The following ZC3H15 variants were observed in gnomAD, a reference collection of about 807,000 sequenced individuals.
ZC3H15 encodes zinc finger CCCH domain-containing protein 15.
ZC3H15 carries 15 observed loss-of-function variants against 51.2 expected under a neutral mutation model. That is an observed-to-expected ratio of 0.29 (90% confidence interval 0.20 to 0.45). ZC3H15 has a LOEUF of 0.45. ZC3H15 is among the 20% of genes least tolerant of loss of function. The pLI is 1.00. For synonymous variants in ZC3H15, 144 were observed against 162.8 expected (o/e 0.88, Z 0.88); for missense variants, 381 against 494.7 (o/e 0.77, Z 2.18).
chr2:186,497,060 C>T lies in ZC3H15; in HGVS notation c.177+1726C>T, dbSNP rs535614849. The T allele has an allele frequency of 7.7e-5, 28 of 361,794 alleles. No individual in the cohort carries two copies. In the East Asian group the frequency reaches 1.9e-3, roughly 25 times the overall value. The allele number at this position is 361,794 out of a possible 1,614,324, so 22.4% of individuals were successfully genotyped here. A position where few individuals can be genotyped will look rare whatever the true frequency, so the allele number is the denominator to read the frequency against. ...GCAACTCATTTGAAAAAAATGTAGC[C>T]CCTTTTTTTTTCAGGTTCTTTAGAC... On this transcript the variant is annotated intron_variant, in intron 2 of 9. Transcript: ENST00000337859.
At chr2:186,497,277 T>C in intron 2 of ZC3H15, 1 of 312,642 alleles carries the variant, frequency 3.2e-6, no homozygotes, top group Non-Finnish European at 6.1e-6. Flanking sequence ...TAAATTTCTC[T>C]TGCTCATGCT....
rs993563685 is a variant in ZC3H15, at chr2:186,495,349, T to A, written c.177+15T>A. The A allele has an allele frequency of 7.2e-7, 1 of 1,388,182 alleles. No individual in the cohort carries two copies. Among genetic ancestry groups the A allele is most frequent in the Non-Finnish European group, 9.6e-7 (1 of 1,042,384 alleles). 86.0% of individuals were successfully genotyped at this position (1,388,182 alleles called of 1,614,324 possible). A position where few individuals can be genotyped will look rare whatever the true frequency, so the allele number is the denominator to read the frequency against. ...ATCCACGTCAGGTAAGTAATTTAAA[T>A]GTCCATATCTTTTTATAAATGTAAT... On this transcript the variant is annotated intron_variant, in intron 2 of 9. Transcript: ENST00000337859.
At chr2:186,503,811 T>C (rs780483105) in intron 5 of ZC3H15, among the ~76,000 whole-genome samples, 5 of 152,240 alleles carry the variant, frequency 3.3e-5, no homozygotes, top group Middle Eastern at 3.2e-3. Context: ...TAGATTCCCC[T>C]TTAAGGGAAT....
At chr2:186,490,077 T>C (rs921415271) in intron 1 of ZC3H15, among the ~76,000 whole-genome samples, 1 of 152,080 alleles carries the variant, frequency 6.6e-6, no homozygotes, top group Non-Finnish European at 1.5e-5. Flanking sequence ...CATTTTTTAA[T>C]ATTGCCTCCA....
intron 4 of ZC3H15, 147 bp from the exon 5 acceptor site, chr2:186,502,349 G>A: frequency 1.7e-6 from 1 of 593,532 alleles, no homozygotes; most frequent in East Asian, 3.1e-5. Context: ...TCCATCCTGA[G>A]CAACAGTGAG....
At chr2:186,499,503 C>A (rs1685341746) in intron 2 of ZC3H15, 1 of 425,938 alleles carries the variant, frequency 2.3e-6, no homozygotes, top group Non-Finnish European at 4.6e-6. Context: ...TTCTTTGTTC[C>A]CAGAGCACTA....
chr2:186,506,570 G>T (rs948405385), intron 8 of ZC3H15, 143 bp from the exon 9 acceptor site: 2 of 877,526 alleles, frequency 2.3e-6, no homozygotes, highest in African/African-American at 3.4e-5. Flanking sequence ...GGGATTACAG[G>T]TGTGAGCCTC....
Position 186,506,719 on chromosome 2 carries a change from G to T in ZC3H15, c.973G>T (p.Asp325Tyr). 1.2e-6 allele frequency: 2 copies of T among 1,608,934 alleles called. No individual in the cohort carries two copies. Among genetic ancestry groups the T allele is most frequent in the South Asian group, 2.2e-5 (2 of 90,512 alleles). The change falls in exon 9 of 10, where the codon GAT (aspartate) becomes TAT (tyrosine). Residue 325 changes from aspartate to tyrosine, a missense_variant. By Grantham distance (160) the Asp-to-Tyr change is radical (BLOSUM62 -3). Transcript: ENST00000337859. ...TTTCTATATGTTGTTAAAGGTTGAT[G>T]ATTCAGTGAGTGTAAATGACATAGA... ...TQGTGGDEVD[D>Y]SVSVNDIDLS... is the part of the protein sequence containing the mutation.
Position 186,509,264 on chromosome 2 carries a change from A to C in ZC3H15, c.*531A>C, listed in dbSNP as rs967857024. The C allele has an allele frequency of 4.9e-6, 1 of 203,342 alleles. No homozygotes were observed. The highest frequency in any genetic ancestry group is 5.8e-5 in the Admixed American group (1 of 17,242). The allele number at this position is 203,342 out of a possible 1,614,324, so 12.6% of individuals were successfully genotyped here. On this transcript the variant is annotated 3_prime_UTR_variant, in exon 10 of 10. Coordinates refer to ENST00000337859, the MANE Select transcript of ZC3H15 (RefSeq NM_018471.3). ...AATGGAACTTCTTTTATCTGACAGG[A>C]TCAGCTACAATGCCCTGTGTTAAAT...
At chr2:186,507,376 T>A in intron 9 of ZC3H15, 1 of 456,472 alleles carries the variant, frequency 2.2e-6, no homozygotes, top group South Asian at 1.5e-5. Context: ...AATACAGTCC[T>A]CTCTCTCTTA....
At chr2:186,496,208 T>C (rs758829049) in intron 2 of ZC3H15, among the ~76,000 whole-genome samples, 1 of 152,234 alleles carries the variant, frequency 6.6e-6, no homozygotes, top group Non-Finnish European at 1.5e-5. Flanking sequence ...ATTTTTATAG[T>C]CTATGTCATA....
chr2:186,505,277 T>C (rs1211149556), intron 6 of ZC3H15, 174 bp from the exon 7 acceptor site: 1 of 516,978 alleles, frequency 1.9e-6, no homozygotes, highest in African/African-American at 2.0e-5. Context: ...TATCTCTGGA[T>C]ACTCATTTTG....
At chr2:186,498,617 T>C (rs949108290) in intron 2 of ZC3H15, among the ~76,000 whole-genome samples, 13 of 152,218 alleles carry the variant, frequency 8.5e-5, no homozygotes, top group Non-Finnish European at 1.3e-4. Flanking sequence ...ATTTGGGATG[T>C]CTTTGACCTA....
At position 186,504,100 on chromosome 2, in the gene ZC3H15, G is replaced by T. The variant is rs1166842189; in HGVS notation, c.603G>T (p.Gly201=). 1 of 1,609,490 alleles carries T rather than the reference G, an allele frequency of 6.2e-7. No homozygotes were observed. Residue 201 remains glycine (G), a synonymous_variant, in exon 6 of 10, where the codon GGG becomes GGT. Transcript: ENST00000337859. ...KYGWFWVCPG[G]GDICMYRHAL... ...GCTGGTTTTGGGTATGCCCTGGAGGGGGTGATATTTGCATGTATCGTCATG... is the reference window on the plus strand; with the variant it reads ...GCTGGTTTTGGGTATGCCCTGGAGGTGGTGATATTTGCATGTATCGTCATG...
At chr2:186,499,861 C>T (rs1685348999) in intron 2 of ZC3H15, among the ~76,000 whole-genome samples, 2 of 152,078 alleles carry the variant, frequency 1.3e-5, no homozygotes, top group African/African-American at 2.4e-5. Flanking sequence ...TGAACCTGTA[C>T]GTTTCTGGGG....
At position 186,505,589 on chromosome 2, in the gene ZC3H15, G is replaced by A. The variant is rs1368358444; in HGVS notation, c.856G>A (p.Ala286Thr). 1.2e-6 allele frequency: 2 copies of A among 1,605,206 alleles called. No homozygotes were observed. The highest frequency in any genetic ancestry group is 8.5e-7 in the Non-Finnish European group (1 of 1,176,810). ...GAAAGCTGACTTCAAAGCAGGGAAA[G>A]CACTAGTGGTATGTCTCAGGCTCAC... ...RRKADFKAGK[A>T]LVISGREVFE... Residue 286 changes from alanine to threonine, a missense_variant, in exon 7 of 10, where the codon GCA becomes ACA. Coordinates refer to ENST00000337859, the MANE Select transcript of ZC3H15 (RefSeq NM_018471.3).
At chr2:186,506,882 C>G (rs745519555) in intron 9 of ZC3H15, 46 bp downstream of exon 9, 6 of 1,583,412 alleles carry the variant, frequency 3.8e-6, no homozygotes, top group Non-Finnish European at 5.1e-6. Context: ...AGGAAGTTAT[C>G]TAAAGGGGGT....
In ZC3H15 at chr2:186,509,357, C is replaced by G. The variant is rs1685518664; in HGVS notation, c.*624C>G. On this transcript the variant is annotated 3_prime_UTR_variant, in exon 10 of 10. Coordinates refer to ENST00000337859, the MANE Select transcript of ZC3H15 (RefSeq NM_018471.3). ...AATAAAGACCATCATACATTAAAAT[C>G]CAAATATGGGCCTTTTTTTAAGTTT... The G allele has an allele frequency of 6.4e-6, 1 of 155,866 alleles. No homozygotes were observed. Among genetic ancestry groups the G allele is most frequent in the Non-Finnish European group, 1.4e-5 (1 of 70,216 alleles). The allele number at this position is 155,866 out of a possible 1,614,324, so 9.7% of individuals were successfully genotyped here.
intron 1 of ZC3H15, among the ~76,000 whole-genome samples, chr2:186,492,653 T>C (rs1167069926): frequency 6.6e-6 from 1 of 152,348 alleles, no homozygotes; most frequent in East Asian, 1.9e-4. Context: ...GATCTTTTAC[T>C]GATTTTGAGG....
Sources: gnomAD v4.1 joint callset for allele counts (sites outside exome capture counted in the v4.1 genomes callset) on GRCh38, gnomAD v4.1.1 for gene constraint, MANE v1.5 for transcripts, NCBI Gene and HGNC (gene_info 2026-07-23, HGNC 2026-07-21) for gene names.